Variants in NKAIN3 observed in about 807,000 individuals in gnomAD.
The protein encoded by NKAIN3 is sodium/potassium-transporting ATPase subunit beta-1-interacting protein 3.
In NKAIN3, 25 loss-of-function variants were observed where a neutral mutation model predicts 30.2. The ratio of observed to expected loss-of-function variants is 0.83; its 90% CI spans 0.60 to 1.16. The LOEUF (loss-of-function observed/expected upper bound fraction) is 1.16, where lower values mean the gene tolerates loss of function less well. NKAIN3 is among the 50% of genes most tolerant of loss of function. NKAIN3 has a pLI of 0.00. For synonymous variants in NKAIN3, 91 were observed against 89.6 expected (o/e 1.02, Z -0.09); for missense variants, 225 against 254.1 (o/e 0.89, Z 0.78).
At chr8:62,718,343 A>G (rs1283614643) in intron 3 of NKAIN3, among the ~76,000 whole-genome samples, 1 of 152,246 alleles carries the variant, frequency 6.6e-6, no homozygotes, top group African/African-American at 2.4e-5. Flanking sequence ...TTAACTGTAC[A>G]TATTTAATAG....
chr8:62,807,530 C>T (rs1818335157), intron 4 of NKAIN3, among the ~76,000 whole-genome samples: 1 of 148,198 alleles, frequency 6.7e-6, no homozygotes. Context: ...ATCTATTTCT[C>T]ATCTTTCAAT....
chr8:62,727,395 G>A (rs1563533863), intron 3 of NKAIN3, among the ~76,000 whole-genome samples: 1 of 151,996 alleles, frequency 6.6e-6, no homozygotes, highest in African/African-American at 2.4e-5. Context: ...TGATTGGAAA[G>A]GAAGAAATAA....
At chr8:62,679,979 G>C (rs1813600813) in intron 3 of NKAIN3, among the ~76,000 whole-genome samples, 3 of 152,146 alleles carry the variant, frequency 2.0e-5, no homozygotes, top group African/African-American at 7.2e-5. Flanking sequence ...ATAGTCACAT[G>C]ATCCTTTAAA....
At chr8:62,763,817 G>C (rs1241330901) in intron 4 of NKAIN3, among the ~76,000 whole-genome samples, 1 of 152,214 alleles carries the variant, frequency 6.6e-6, no homozygotes, top group Non-Finnish European at 1.5e-5. Context: ...CCTGAGAGGG[G>C]CTTCTGGCCG....
rs141271924 is a variant in NKAIN3, at chr8:62,367,709, A to G, written c.54+118582A>G. ...AAGGATACCCACTCTCAACACTACTATTCAGCATAATAACTGGAAGTCCTA... is the reference window on the plus strand; with the variant it reads ...AAGGATACCCACTCTCAACACTACTGTTCAGCATAATAACTGGAAGTCCTA... On this transcript the variant is annotated intron_variant, in intron 1 of 6. Coordinates refer to ENST00000623646, the MANE Select transcript of NKAIN3 (RefSeq NM_001304533.3). 6.2e-3 allele frequency among the ~76,000 whole-genome samples: 942 copies of G among 152,280 alleles called. 5 individuals carry two copies. Among genetic ancestry groups the G allele is most frequent in the Non-Finnish European group, 0.01 (698 of 68,010 alleles).
chr8:62,326,788 T>C (rs912632225), intron 1 of NKAIN3, among the ~76,000 whole-genome samples: 2 of 151,816 alleles, frequency 1.3e-5, no homozygotes, highest in Non-Finnish European at 1.5e-5. Context: ...TTTGAGCCAC[T>C]ACTTTCAATT....
chr8:62,777,595 T>G (rs1262016158), intron 4 of NKAIN3, among the ~76,000 whole-genome samples: 1 of 152,178 alleles, frequency 6.6e-6, no homozygotes, highest in African/African-American at 2.4e-5. Context: ...TTCTTAATTT[T>G]TTGTTTGTTA....
intron 1 of NKAIN3, among the ~76,000 whole-genome samples, chr8:62,532,864 C>A (rs1405429371): frequency 6.6e-6 from 1 of 152,104 alleles, no homozygotes; most frequent in Non-Finnish European, 1.5e-5. Context: ...ACTCCACATC[C>A]CATGTTGTTG....
chr8:62,751,176 C>T (rs2130594387), intron 4 of NKAIN3, among the ~76,000 whole-genome samples: 1 of 152,260 alleles, frequency 6.6e-6, no homozygotes, highest in Non-Finnish European at 1.5e-5. Context: ...GTGCCATCCT[C>T]AGGCAGCGGC....
chr8:62,654,018 A>T (rs530546145), intron 3 of NKAIN3, among the ~76,000 whole-genome samples: 1 of 152,248 alleles, frequency 6.6e-6, no homozygotes, highest in African/African-American at 2.4e-5. Flanking sequence ...AAGGATAGTG[A>T]CCTAAACACA....
chr8:62,667,029 A>G (rs1813125617), intron 3 of NKAIN3, among the ~76,000 whole-genome samples: 1 of 151,770 alleles, frequency 6.6e-6, no homozygotes, highest in Non-Finnish European at 1.5e-5. Flanking sequence ...GTAAGTAAAG[A>G]ATAAAGTATT....
At chr8:62,691,970 C>T (rs766637879) in intron 3 of NKAIN3, among the ~76,000 whole-genome samples, 1 of 152,206 alleles carries the variant, frequency 6.6e-6, no homozygotes, top group Non-Finnish European at 1.5e-5. Context: ...GGCAGCTTTG[C>T]TGATCTTTGA....
intron 1 of NKAIN3, among the ~76,000 whole-genome samples, chr8:62,499,092 T>C (rs905279351): frequency 1.3e-5 from 2 of 152,176 alleles, no homozygotes; most frequent in Non-Finnish European, 2.9e-5. Context: ...CAGAGTTCGA[T>C]AGTAGTTGTC....
chr8:62,395,289 C>T (rs1049349284), intron 1 of NKAIN3, among the ~76,000 whole-genome samples: 2 of 151,542 alleles, frequency 1.3e-5, no homozygotes, highest in Non-Finnish European at 2.9e-5. Context: ...CGGGGCCGGG[C>T]GGAGGCCCCC....
intron 3 of NKAIN3, among the ~76,000 whole-genome samples, chr8:62,595,333 T>A (rs1030589165): frequency 2.0e-5 from 3 of 151,382 alleles, no homozygotes; most frequent in Non-Finnish European, 4.4e-5. Flanking sequence ...AGAGTGTCAT[T>A]AGCACAAGTT....
chr8:62,932,813 A>G (rs950576269), intron 5 of NKAIN3, among the ~76,000 whole-genome samples: 3 of 152,086 alleles, frequency 2.0e-5, no homozygotes, highest in African/African-American at 7.3e-5. Context: ...ATCATAGCTC[A>G]TGCAGCCTCG....
At chr8:62,485,919 G>A (rs186956492) in intron 1 of NKAIN3, among the ~76,000 whole-genome samples, 112 of 152,302 alleles carry the variant, frequency 7.4e-4, no homozygotes, top group African/African-American at 2.4e-3. Context: ...ACAGGAATGG[G>A]GCGGGGCTGA....
At chr8:62,870,215 T>TATATCTATATCTATATCTAG (rs1563603802) in intron 4 of NKAIN3, among the ~76,000 whole-genome samples, 99 of 119,572 alleles carry the variant, frequency 8.3e-4, no homozygotes, top group African/African-American at 1.5e-3. Context: ...TTTGTATATA[T>TATATCTATATCTATATCTAG]ATATCTATAT....
chr8:62,922,453 TTATAA>T (rs1425941621), intron 5 of NKAIN3, among the ~76,000 whole-genome samples: 1 of 152,218 alleles, frequency 6.6e-6, no homozygotes, highest in African/African-American at 2.4e-5. Flanking sequence ...CTTTTCCAAC[TTATAA>T]TGTATGGAAG....
Sources: allele counts gnomAD v4.1 joint callset (sites outside exome capture counted in the v4.1 genomes callset), GRCh38; gene constraint gnomAD v4.1.1; transcripts MANE v1.5; gene names NCBI Gene and HGNC (gene_info 2026-07-23, HGNC 2026-07-21).